The following CDH18 variants were observed in gnomAD, a reference collection of about 807,000 sequenced individuals.
CDH18 encodes the protein cadherin-18.
In CDH18, 31 loss-of-function variants were observed where a neutral mutation model predicts 67.9. That is an observed-to-expected ratio of 0.46 (90% CI 0.34 to 0.62). The LOEUF (loss-of-function observed/expected upper bound fraction) is 0.62, where lower values mean the gene tolerates loss of function less well. Among genes scored for constraint, CDH18 ranks in the 20% least tolerant of loss-of-function variants. CDH18 has a pLI of 0.01. For synonymous variants in CDH18, 362 were observed against 347.2 expected (o/e 1.04, Z -0.48); for missense variants, 890 against 975.5 (o/e 0.91, Z 1.17).
chr5:20,095,390 C>CGAA (rs1745836906), intron 2 of CDH18, among the ~76,000 whole-genome samples: 1 of 55,386 alleles, frequency 1.8e-5, no homozygotes, highest in Non-Finnish European at 3.6e-5. Flanking sequence ...AAAAGAGAAA[C>CGAA]AGAAGAAAGA....
At chr5:19,617,053 T>C (rs553360384) in intron 5 of CDH18, among the ~76,000 whole-genome samples, 1 of 152,284 alleles carries the variant, frequency 6.6e-6, no homozygotes, top group Admixed American at 6.5e-5. Context: ...TTATGAACTC[T>C]AGGGAGGTCG....
intron 1 of CDH18, among the ~76,000 whole-genome samples, chr5:20,501,299 C>T (rs1754233305): frequency 6.6e-6 from 1 of 150,794 alleles, no homozygotes; most frequent in African/African-American, 2.4e-5. Flanking sequence ...ATAAATGGAA[C>T]GTTATTACAC....
chr5:20,334,395 C>T (rs1260271506), intron 1 of CDH18, among the ~76,000 whole-genome samples: 2 of 151,814 alleles, frequency 1.3e-5, no homozygotes, highest in Non-Finnish European at 2.9e-5. Flanking sequence ...CCTCGGCCTC[C>T]CAAAGTGCTG....
At chr5:20,389,301 A>T (rs1002715971) in intron 1 of CDH18, among the ~76,000 whole-genome samples, 4 of 152,100 alleles carry the variant, frequency 2.6e-5, no homozygotes, top group Non-Finnish European at 4.4e-5. Flanking sequence ...CTTTACCATT[A>T]TGTAATGGCC....
intron 3 of CDH18, among the ~76,000 whole-genome samples, chr5:19,825,317 A>G (rs1780292222): frequency 6.6e-6 from 1 of 152,074 alleles, no homozygotes; most frequent in South Asian, 2.1e-4. Flanking sequence ...TTGCCAAGGG[A>G]AACAGCCTCC....
intron 5 of CDH18, among the ~76,000 whole-genome samples, chr5:19,687,165 G>A (rs952734947): frequency 5.9e-5 from 9 of 152,116 alleles, no homozygotes; most frequent in Admixed American, 3.9e-4. Context: ...CCTTGATGCC[G>A]GCATGCTGTG....
At chr5:19,720,141 A>G (rs554247426) in intron 5 of CDH18, among the ~76,000 whole-genome samples, 1 of 152,256 alleles carries the variant, frequency 6.6e-6, no homozygotes, top group East Asian at 1.9e-4. Flanking sequence ...TATCTATACC[A>G]TGTTTTTAGT....
intron 2 of CDH18, among the ~76,000 whole-genome samples, chr5:19,923,501 A>G (rs1579617454): frequency 2.0e-5 from 3 of 152,164 alleles, no homozygotes; most frequent in Admixed American, 1.3e-4. Flanking sequence ...TACAGATTTA[A>G]TTTGCTTTTC....
At chr5:19,856,333 A>T (rs911735319) in intron 2 of CDH18, among the ~76,000 whole-genome samples, 2 of 152,184 alleles carry the variant, frequency 1.3e-5, no homozygotes, top group Non-Finnish European at 2.9e-5. Context: ...TTATACACCC[A>T]AGATGACAGT....
intron 2 of CDH18, among the ~76,000 whole-genome samples, chr5:19,911,952 T>C (rs1791192321): frequency 6.6e-6 from 1 of 152,110 alleles, no homozygotes; most frequent in Non-Finnish European, 1.5e-5. Flanking sequence ...AATTACACTT[T>C]AGATGTGGTC....
At chr5:20,206,469 C>G (rs1301791695) in intron 2 of CDH18, among the ~76,000 whole-genome samples, 1 of 151,744 alleles carries the variant, frequency 6.6e-6, no homozygotes, top group Non-Finnish European at 1.5e-5. Flanking sequence ...GGAATATTTC[C>G]AAACTTATTC....
intron 2 of CDH18, among the ~76,000 whole-genome samples, chr5:20,224,519 G>GAT (rs1484089718): frequency 1.4e-5 from 1 of 69,282 alleles, no homozygotes; most frequent in Admixed American, 1.2e-4. Context: ...AAAATCCTTA[G>GAT]GTTTTTTTTT....
intron 7 of CDH18, among the ~76,000 whole-genome samples, chr5:19,573,878 G>A (rs1741867980): frequency 6.6e-6 from 1 of 152,126 alleles, no homozygotes; most frequent in African/African-American, 2.4e-5. Context: ...ATAATTTTTG[G>A]AGTTAACTTG....
At position 19,799,096 on chromosome 5, in the gene CDH18, C is replaced by G. The variant is rs138620276; in HGVS notation, c.228+39663G>C. Among the ~76,000 whole-genome samples the G allele has an allele frequency of 5.4e-3, 815 of 151,994 alleles. 2 individuals are homozygous for G. Among genetic ancestry groups the G allele is most frequent in the South Asian group, 0.012 (57 of 4,820 alleles). On this transcript the variant is annotated intron_variant, in intron 3 of 12. Transcript: ENST00000382275. The stretch of plus-strand genomic sequence containing the variant: ...TTCATGATGCTGATGTCACCATTAG[C>G]AACAATATGGATGAACGTAGAAGAC...
At chr5:19,918,074 GTC>G (rs1291719642) in intron 2 of CDH18, among the ~76,000 whole-genome samples, 2 of 152,034 alleles carry the variant, frequency 1.3e-5, no homozygotes, top group African/African-American at 4.8e-5. Flanking sequence ...CAAAAAATAT[GTC>G]TCTTAATGTT....
At chr5:19,521,613 A>C (rs1397335768) in intron 9 of CDH18, among the ~76,000 whole-genome samples, 1 of 152,142 alleles carries the variant, frequency 6.6e-6, no homozygotes, top group Non-Finnish European at 1.5e-5. Flanking sequence ...AAGACTAGTA[A>C]AAAAGATACA....
chr5:20,509,610 T>TG (rs544915996), intron 1 of CDH18, among the ~76,000 whole-genome samples: 2 of 2,684 alleles, frequency 7.5e-4, no homozygotes, highest in Non-Finnish European at 2.5e-3. Flanking sequence ...TTAATACAGA[T>TG]GGGTTTCACC....
At chr5:20,353,065 T>C (rs530997292) in intron 1 of CDH18, among the ~76,000 whole-genome samples, 358 of 152,342 alleles carry the variant, frequency 2.3e-3, no homozygotes, top group Middle Eastern at 3.4e-3. Flanking sequence ...TCATTTTTTT[T>C]CCCTAATCAT....
chr5:20,185,717 A>G (rs1466473385), intron 2 of CDH18, among the ~76,000 whole-genome samples: 4 of 152,076 alleles, frequency 2.6e-5, no homozygotes, highest in African/African-American at 9.7e-5. Context: ...AACGTAAAAT[A>G]GAACAATGGC....
Sources: allele counts gnomAD v4.1 joint callset (sites outside exome capture counted in the v4.1 genomes callset), GRCh38; gene constraint gnomAD v4.1.1; transcripts MANE v1.5; gene names NCBI Gene and HGNC (gene_info 2026-07-23, HGNC 2026-07-21).